EFCAB9: variants seen among roughly 807,000 people sequenced by gnomAD.
EFCAB9 encodes EF-hand calcium-binding domain-containing protein 9.
In EFCAB9, 16 loss-of-function variants were observed where a neutral mutation model predicts 15.6. The observed-to-expected ratio is 1.03, with a 90% CI of 0.69 to 1.56. EFCAB9 has a LOEUF of 1.56. Ranked by LOEUF, EFCAB9 falls within the 40% of genes most tolerant of loss-of-function variation. EFCAB9 has a pLI of 0.00. For synonymous variants in EFCAB9, 76 were observed against 85.4 expected, an observed-to-expected ratio of 0.89 and a Z score of 0.61; for missense variants, 208 against 235.4, an observed-to-expected ratio of 0.88 and a Z score of 0.76.
intron 3 of EFCAB9, among the ~76,000 whole-genome samples, chr5:172,202,536 T>C (rs986318390): frequency 1.3e-5 from 2 of 151,808 alleles, no homozygotes; most frequent in Non-Finnish European, 2.9e-5. Flanking sequence ...GGTGAAACCC[T>C]GTCTCTACTA....
intron 1 of EFCAB9, among the ~76,000 whole-genome samples, chr5:172,197,189 C>T (rs573778453): frequency 6.6e-6 from 1 of 152,096 alleles, no homozygotes; most frequent in Non-Finnish European, 1.5e-5. Context: ...CTCACCACAA[C>T]CTCTGCCTCC....
At position 172,199,545 on chromosome 5, in the gene EFCAB9, C is replaced by G; in HGVS notation, c.285+14C>G. ...CTGGCCCACCAGGCAAGTAGCCGCG[C>G]GGCTGCTGCCATCCTCTTGCTAATG... On this transcript the variant is annotated intron_variant, in intron 2 of 3. Coordinates refer to ENST00000398186, the MANE Select transcript of EFCAB9 (RefSeq NM_001171183.2). The G allele has an allele frequency of 2.6e-6, 4 of 1,536,512 alleles. No individual in the cohort carries two copies. Among genetic ancestry groups the G allele is most frequent in the Non-Finnish European group, 3.5e-6 (4 of 1,146,564 alleles).
chr5:172,201,887 T>C (rs1771261368), intron 3 of EFCAB9, among the ~76,000 whole-genome samples: 1 of 152,188 alleles, frequency 6.6e-6, no homozygotes, highest in African/African-American at 2.4e-5. Flanking sequence ...CAGTGAATTC[T>C]GCCTATTTAA....
chr5:172,195,374 G>A (rs1008403949), intron 1 of EFCAB9, among the ~76,000 whole-genome samples: 7 of 152,032 alleles, frequency 4.6e-5, no homozygotes, highest in Non-Finnish European at 7.4e-5. Flanking sequence ...GGGTTCCTCC[G>A]TCATGATTTT....
Position 172,203,203 on chromosome 5 carries a change from C to T in EFCAB9, c.463-11C>T. 4.4e-6 allele frequency: 2 copies of T among 454,850 alleles called. No individual in the cohort carries two copies. Among genetic ancestry groups the T allele is most frequent in the African/African-American group, 8.0e-5 (1 of 12,530 alleles). 28.2% of individuals were successfully genotyped at this position (454,850 alleles called of 1,614,324 possible). A position where few individuals can be genotyped will look rare whatever the true frequency, so the allele number is the denominator to read the frequency against. On this transcript the variant is annotated splice_polypyrimidine_tract_variant and intron_variant, in intron 3 of 3. Coordinates refer to ENST00000398186, the MANE Select transcript of EFCAB9 (RefSeq NM_001171183.2). ...GAAATAATTTTTCTTTCCCCCCCAC[C>T]CTAACCAAAGCGTCTTAATTATCAG... is the stretch of plus-strand genomic sequence containing the variant.
chr5:172,194,339 T>C, intron 1 of EFCAB9, 31 bp downstream of exon 1: 1 of 1,534,114 alleles, frequency 6.5e-7, no homozygotes, highest in African/African-American at 1.4e-5. Context: ...CTCCTCTGGG[T>C]CCTTACCTGG....
intron 1 of EFCAB9, 108 bp downstream of exon 1, chr5:172,194,416 T>C: frequency 4.3e-6 from 6 of 1,379,838 alleles, no homozygotes; most frequent in Non-Finnish European, 5.8e-6. Flanking sequence ...TTTTTTTTTT[T>C]TGAGACGGAA....
At chr5:172,201,767 G>T (rs958419921) in intron 3 of EFCAB9, among the ~76,000 whole-genome samples, 4 of 152,252 alleles carry the variant, frequency 2.6e-5, no homozygotes, top group South Asian at 2.1e-4. Flanking sequence ...CCAGCTCCCT[G>T]GGAGGCTGAG....
chr5:172,199,756 G>A (rs1013662525), intron 2 of EFCAB9, among the ~76,000 whole-genome samples: 4 of 152,074 alleles, frequency 2.6e-5, no homozygotes, highest in Non-Finnish European at 4.4e-5. Context: ...AAGGACAGAT[G>A]TGGCCCATCG....
intron 2 of EFCAB9, 34 bp downstream of exon 2, chr5:172,199,565 C>T: frequency 2.6e-6 from 4 of 1,534,802 alleles, no homozygotes; most frequent in Non-Finnish European, 3.5e-6. Flanking sequence ...CATCCTCTTG[C>T]TAATGGGAGC....
rs1276296565 is a variant in EFCAB9 at position 172,203,326 on chromosome 5, C to T, written c.575C>T (p.Ser192Leu). Residue 192 changes from serine (S) to leucine (L), a missense_variant, in exon 4 of 4, where the codon TCA becomes TTA. Ser to Leu is a moderately radical substitution (Grantham distance 145, BLOSUM62 -2). Coordinates refer to ENST00000398186, the MANE Select transcript of EFCAB9 (RefSeq NM_001171183.2). ...GGAGAGAGAAAGAGAAGTCTCTACT[C>T]AAAATGTCACATCAAGTAGATACAA... ...EKGERKRSLY[S>L]KCHIK 6.5e-7 allele frequency: 1 copy of T among 1,533,436 alleles called. No homozygotes were observed. Among genetic ancestry groups the T allele is most frequent in the Non-Finnish European group, 8.7e-7 (1 of 1,145,994 alleles). The allele number at this position is 1,533,436 out of a possible 1,614,324, so 95.0% of individuals were successfully genotyped here. A position where few individuals can be genotyped will look rare whatever the true frequency, so the allele number is the denominator to read the frequency against.
intron 1 of EFCAB9, among the ~76,000 whole-genome samples, chr5:172,196,930 C>T (rs1281548598): frequency 6.6e-6 from 1 of 151,796 alleles, no homozygotes; most frequent in Non-Finnish European, 1.5e-5. Context: ...AAAAAGAAAA[C>T]AACAAAAAAC....
At chr5:172,199,234 A>T in intron 1 of EFCAB9, 149 bp from the exon 2 acceptor site, 2 of 1,020,754 alleles carry the variant, frequency 2.0e-6, no homozygotes, top group Admixed American at 2.7e-5. Context: ...TATAGAAAGT[A>T]CAGTGGCAAA....
chr5:172,195,066 C>G (rs1171251700), intron 1 of EFCAB9, among the ~76,000 whole-genome samples: 1 of 151,746 alleles, frequency 6.6e-6, no homozygotes, highest in African/African-American at 2.4e-5. Context: ...TCTGGAGACC[C>G]CTCAGCAAGA....
chr5:172,203,424 T>C lies in EFCAB9; in HGVS notation c.*79T>C. The C allele has an allele frequency of 6.9e-7, 1 of 1,439,208 alleles. No homozygotes were observed. The allele number at this position is 1,439,208 out of a possible 1,614,324, so 89.2% of individuals were successfully genotyped here. ...AACATTGATGAAGACTGTTAACATG[T>C]CTAAAAATAAATTCAGAGCATCAAA... On this transcript the variant is annotated 3_prime_UTR_variant, in exon 4 of 4. Coordinates refer to ENST00000398186, the MANE Select transcript of EFCAB9 (RefSeq NM_001171183.2).
At chr5:172,196,909 TGAAAACAACAAAAAA>T (rs1437216450) in intron 1 of EFCAB9, among the ~76,000 whole-genome samples, 5 of 151,998 alleles carry the variant, frequency 3.3e-5, no homozygotes, top group Admixed American at 2.6e-4. Flanking sequence ...ATCTTGAAAA[TGAAAACAACAAAAAA>T]GAAAACAACA....
At chr5:172,200,511 T>A (rs1189151323) in intron 2 of EFCAB9, 55 bp from the exon 3 acceptor site, 2 of 1,479,896 alleles carry the variant, frequency 1.4e-6, no homozygotes, top group Non-Finnish European at 1.8e-6. Flanking sequence ...GAAACAAGTT[T>A]AGAAAGCAGC....
chr5:172,203,029 G>A (rs1056223418), intron 3 of EFCAB9, among the ~76,000 whole-genome samples, 185 bp from the exon 4 acceptor site: 1 of 152,096 alleles, frequency 6.6e-6, no homozygotes, highest in Admixed American at 6.6e-5. Context: ...TGTTCCTTTA[G>A]CATCTACAAT....
chr5:172,200,516 A>G, intron 2 of EFCAB9, 50 bp from the exon 3 acceptor site: 1 of 1,488,396 alleles, frequency 6.7e-7, no homozygotes, highest in Non-Finnish European at 8.9e-7. Flanking sequence ...AAGTTTAGAA[A>G]GCAGCATCGA....
Sources: gnomAD v4.1 joint callset for allele counts (sites outside exome capture counted in the v4.1 genomes callset) on GRCh38, gnomAD v4.1.1 for gene constraint, MANE v1.5 for transcripts, NCBI Gene and HGNC (gene_info 2026-07-23, HGNC 2026-07-21) for gene names.